The following MALT1 variants were observed in gnomAD, a reference collection of about 807,000 sequenced individuals.
MALT1 encodes the protein MALT1 paracaspase.
Under a neutral mutation model 85.5 loss-of-function variants are expected in MALT1, and 36 were observed. That is an observed-to-expected ratio of 0.42 (90% CI 0.32 to 0.56). MALT1 has a LOEUF of 0.56. Among genes scored for constraint, MALT1 ranks in the 20% least tolerant of loss-of-function variants. MALT1 has a pLI of 0.10. For missense variants in MALT1, 716 were observed against 981.6 expected (o/e 0.73, Z 3.62); for synonymous variants, 359 against 361.3 (o/e 0.99, Z 0.07).
rs957933119 is a variant in MALT1 at position 58,748,672 on chromosome 18, A to G, written c.*830A>G. On this transcript the variant is annotated 3_prime_UTR_variant, in exon 17 of 17. Transcript: ENST00000649217. The stretch of plus-strand genomic sequence containing the variant: ...TTTAGCATCTTCCTTGATAATATGT[A>G]TTTTCTTCTTGAATTTCACTGGCCT... 10 of 192,048 alleles carry G rather than the reference A, an allele frequency of 5.2e-5. No individual in the cohort carries two copies. Among genetic ancestry groups the G allele is most frequent in the Non-Finnish European group, 1.1e-4 (10 of 91,574 alleles). The allele number at this position is 192,048 out of a possible 1,614,324, so 11.9% of individuals were successfully genotyped here. A position where few individuals can be genotyped will look rare whatever the true frequency, so the allele number is the denominator to read the frequency against.
chr18:58,738,569 A>G (rs1353268140), intron 13 of MALT1, among the ~76,000 whole-genome samples: 1 of 140,116 alleles, frequency 7.1e-6, no homozygotes, highest in East Asian at 2.1e-4. Flanking sequence ...AATGCCAGAC[A>G]GTTTTGTAAA....
chr18:58,727,775 T>C (rs561818348), intron 10 of MALT1, among the ~76,000 whole-genome samples: 24 of 152,290 alleles, frequency 1.6e-4, no homozygotes, highest in Admixed American at 1.5e-3. Flanking sequence ...CAGTATCATA[T>C]AGCACAGTAG....
In MALT1 at chr18:58,723,349, CAT is replaced by C. The variant is rs1218187489; in HGVS notation, c.1222+99_1222+100del. ...GAAAATCAGATAAAGATAAGGTAAA[CAT>C]GTTGTTGAATGGAAGAGTTTTATTT... On this transcript the variant is annotated intron_variant, in intron 10 of 16. Coordinates refer to ENST00000649217, the MANE Select transcript of MALT1 (RefSeq NM_006785.4). 3.6e-6 allele frequency: 3 copies of C among 825,690 alleles called. No homozygotes were observed. In the African/African-American group the frequency reaches 5.2e-5, roughly 14 times the overall value. 51.1% of individuals were successfully genotyped at this position (825,690 alleles called of 1,614,324 possible).
chr18:58,741,053 T>C (rs2055294597), intron 13 of MALT1, among the ~76,000 whole-genome samples: 1 of 152,128 alleles, frequency 6.6e-6, no homozygotes, highest in African/African-American at 2.4e-5. Flanking sequence ...TGACCTAATA[T>C]GCTATTTTTT....
At chr18:58,718,326 T>C (rs888219400) in intron 9 of MALT1, among the ~76,000 whole-genome samples, 1 of 152,196 alleles carries the variant, frequency 6.6e-6, no homozygotes, top group African/African-American at 2.4e-5. Flanking sequence ...TATCTAATGT[T>C]TCATCTGTGC....
At chr18:58,737,628 G>GC (rs2055242203) in intron 13 of MALT1, among the ~76,000 whole-genome samples, 1 of 152,116 alleles carries the variant, frequency 6.6e-6, no homozygotes, top group Non-Finnish European at 1.5e-5. Context: ...TGTCGCGCAG[G>GC]CTAGAGTGCA....
At chr18:58,702,624 T>C (rs918186791) in intron 4 of MALT1, among the ~76,000 whole-genome samples, 1 of 152,206 alleles carries the variant, frequency 6.6e-6, no homozygotes, top group South Asian at 2.1e-4. Context: ...AAAACTCTCA[T>C]ATAGTAGTCT....
chr18:58,724,569 C>G (rs1444970874), intron 10 of MALT1, among the ~76,000 whole-genome samples: 1 of 152,150 alleles, frequency 6.6e-6, no homozygotes, highest in Non-Finnish European at 1.5e-5. Flanking sequence ...AAGTCTAAAA[C>G]TTCGTGAGTG....
intron 13 of MALT1, among the ~76,000 whole-genome samples, chr18:58,739,825 ACACACG>A (rs759970235): frequency 6.8e-6 from 1 of 146,494 alleles, no homozygotes; most frequent in African/African-American, 2.6e-5. Flanking sequence ...ACACACACAC[ACACACG>A]TGTACGTGTA....
In MALT1 at chr18:58,700,365, C is replaced by A. The variant is rs1010421603; in HGVS notation, c.499-76C>A. The A allele has an allele frequency of 4.3e-6, 5 of 1,166,154 alleles. No individual in the cohort carries two copies. In the South Asian group the frequency reaches 5.7e-5, roughly 13 times the overall value. The allele number at this position is 1,166,154 out of a possible 1,614,324, so 72.2% of individuals were successfully genotyped here. ...CACTTTCAAAGCTTCATACTGAAAT[C>A]ATAGATTTTGTACAGCATATTTTAT... On this transcript the variant is annotated intron_variant, in intron 3 of 16. Transcript: ENST00000649217.
chr18:58,747,661 C>G lies in MALT1; in HGVS notation c.2294C>G (p.Pro765Arg). The G allele has an allele frequency of 4.3e-6, 7 of 1,614,160 alleles. No homozygotes were observed. Among genetic ancestry groups the G allele is most frequent in the Non-Finnish European group, 5.9e-6 (7 of 1,179,990 alleles). The stretch of plus-strand genomic sequence containing the variant: ...TTCCATGGTGTTTACCATTCACATC[C>G]TGGTAATCCAAGTAATGTTACACCA... Reference protein sequence around the residue: ...DPFHGVYHSHPGNPSNVTPAD... With the variant: ...DPFHGVYHSHRGNPSNVTPAD... Residue 765 changes from proline (P) to arginine (R), a missense_variant, in exon 17 of 17, where the codon CCT becomes CGT. Around this residue, in one of 4 missense-constraint regions of MALT1, gnomAD observed 260 missense variants for 323.7 expected, o/e 0.80. Coordinates refer to ENST00000649217, the MANE Select transcript of MALT1 (RefSeq NM_006785.4).
intron 9 of MALT1, among the ~76,000 whole-genome samples, chr18:58,719,331 TTCTCTTCCTCTTACTCTGTCTCTCTG>T (rs1339482518): frequency 2.6e-5 from 3 of 116,554 alleles, no homozygotes; most frequent in Admixed American, 7.5e-5. Flanking sequence ...CTCTCTCTCT[TTCTCTTCCTCTTACTCTGTCTCTCTG>T]TCTCTCCCTC....
intron 4 of MALT1, among the ~76,000 whole-genome samples, chr18:58,707,894 A>G (rs189237848): frequency 2.0e-5 from 3 of 152,334 alleles, no homozygotes; most frequent in Admixed American, 6.5e-5. Context: ...TGAAATTGAC[A>G]TATCGAGAAG....
chr18:58,714,061 A>AT, intron 7 of MALT1, 22 bp from the exon 8 acceptor site: 1 of 1,145,540 alleles, frequency 8.7e-7, no homozygotes, highest in Admixed American at 2.0e-5. Context: ...TACTTAATCT[A>AT]TTTTCTCTTA....
intron 2 of MALT1, among the ~76,000 whole-genome samples, chr18:58,687,095 C>G (rs1177376545): frequency 6.6e-6 from 1 of 152,130 alleles, no homozygotes; most frequent in African/African-American, 2.4e-5. Flanking sequence ...TTTTTTTCTT[C>G]TTGCCAACTT....
At chr18:58,742,078 T>G in intron 14 of MALT1, 64 bp downstream of exon 14, 11 of 1,296,996 alleles carry the variant, frequency 8.5e-6, no homozygotes, top group Non-Finnish European at 1.0e-5. Flanking sequence ...TAAAGTTTCT[T>G]CTGAATAAAT....
intron 10 of MALT1, among the ~76,000 whole-genome samples, chr18:58,725,382 C>A (rs1242891292): frequency 2.6e-5 from 4 of 152,050 alleles, no homozygotes; most frequent in Non-Finnish European, 4.4e-5. Context: ...TGGGTGGCAT[C>A]CCCAAGATAA....
At chr18:58,693,766 G>GGAGTAGAT (rs2054548023) in intron 2 of MALT1, among the ~76,000 whole-genome samples, 1 of 152,178 alleles carries the variant, frequency 6.6e-6, no homozygotes, top group Non-Finnish European at 1.5e-5. Context: ...GACTGGCAGA[G>GGAGTAGAT]GAGTAGATTT....
At chr18:58,706,033 T>G (rs375098185) in intron 4 of MALT1, among the ~76,000 whole-genome samples, 1 of 152,214 alleles carries the variant, frequency 6.6e-6, no homozygotes, top group South Asian at 2.1e-4. Context: ...TCGCCCAGGC[T>G]GGAGTGCAGT....
Sources: gnomAD v4.1 joint callset for allele counts (sites outside exome capture counted in the v4.1 genomes callset) on GRCh38, gnomAD v4.1.1 for gene constraint, gnomAD v4.1.1 regional missense constraint, MANE v1.5 for transcripts, NCBI Gene and HGNC (gene_info 2026-07-23, HGNC 2026-07-21) for gene names.